The following COL5A2 variants were observed in gnomAD, a reference collection of about 807,000 sequenced individuals.
COL5A2 encodes the protein collagen type V alpha 2 chain.
COL5A2 carries 23 observed loss-of-function variants against 208.2 expected under a neutral mutation model. The ratio of observed to expected loss-of-function variants is 0.11; its 90% confidence interval spans 0.08 to 0.16. The LOEUF is 0.16. Among genes scored for constraint, COL5A2 ranks in the 10% least tolerant of loss-of-function variants. COL5A2 has a pLI of 1.00. For missense variants in COL5A2, 1,590 were observed against 1,956.4 expected (o/e 0.81, Z 3.53); for synonymous variants, 625 against 628.5 (o/e 0.99, Z 0.08).
At chr2:189,115,863 TC>T (rs1687379155) in intron 1 of COL5A2, among the ~76,000 whole-genome samples, 2 of 152,340 alleles carry the variant, frequency 1.3e-5, no homozygotes, top group South Asian at 4.1e-4. Context: ...CTCTCTTTCC[TC>T]CTTCCCTAAT....
At chr2:189,069,455 G>A (rs978214182) in intron 18 of COL5A2, among the ~76,000 whole-genome samples, 5 of 151,876 alleles carry the variant, frequency 3.3e-5, no homozygotes, top group Non-Finnish European at 5.9e-5. Context: ...GTATACATTC[G>A]GACTCTTTAA....
At chr2:189,400,911 T>A in the COL5A2 span, among the ~76,000 whole-genome samples, 1 of 152,214 alleles carries the variant, frequency 6.6e-6, no homozygotes, top group East Asian at 1.9e-4. Flanking sequence ...ATTCACTAAC[T>A]CTCAGAGGAT....
intron 1 of COL5A2, among the ~76,000 whole-genome samples, chr2:189,148,245 C>T (rs899331501): frequency 1.3e-5 from 2 of 151,838 alleles, no homozygotes; most frequent in African/African-American, 4.8e-5. Context: ...TTTTATAGGC[C>T]AACAATTATT....
In COL5A2 at chr2:189,079,979, T is replaced by C; in HGVS notation, c.959A>G (p.Lys320Arg). The C allele has an allele frequency of 6.2e-7, 1 of 1,612,070 alleles. No individual in the cohort carries two copies. Among genetic ancestry groups the C allele is most frequent in the East Asian group, 2.2e-5 (1 of 44,850 alleles). ...PKGEVGAPGS[K>R]GEAGPTGPMG... ...ACAGTGAGATAATTATAAGATTACC[T>C]TGGAACCAGGTGCTCCAACTTCACC... The change falls in exon 14 of 54, where the codon AAG (lysine) becomes AGG (arginine). Residue 320 changes from lysine (K) to arginine (R), a missense_variant and splice_region_variant. Transcript: ENST00000374866.
intron 1 of COL5A2, among the ~76,000 whole-genome samples, chr2:189,157,093 T>G (rs749642518): frequency 6.6e-6 from 1 of 151,630 alleles, no homozygotes; most frequent in Non-Finnish European, 1.5e-5. Flanking sequence ...TTAATGAAAC[T>G]TCCAGCTGTG....
chr2:189,303,245 C>T, the COL5A2 span, among the ~76,000 whole-genome samples: 1 of 152,164 alleles, frequency 6.6e-6, no homozygotes, highest in African/African-American at 2.4e-5. Flanking sequence ...TTCACGCATG[C>T]ATGGAAATCC....
intron 45 of COL5A2, among the ~76,000 whole-genome samples, chr2:189,047,906 T>G (rs553070614): frequency 6.6e-6 from 1 of 152,364 alleles, no homozygotes; most frequent in African/African-American, 2.4e-5. Context: ...TTTCATGCTT[T>G]TGTTAATGAG....
chr2:189,148,530 T>C (rs1037827539), intron 1 of COL5A2, among the ~76,000 whole-genome samples: 2 of 151,910 alleles, frequency 1.3e-5, no homozygotes, highest in African/African-American at 2.4e-5. Context: ...AGGGTGTGAA[T>C]TGAGACTTAA....
chr2:189,205,178 G>A (rs1025808437), intron 1 of COL5A2, among the ~76,000 whole-genome samples: 1 of 152,188 alleles, frequency 6.6e-6, no homozygotes, highest in Non-Finnish European at 1.5e-5. Context: ...TAAAAACACA[G>A]CTTATTCTGT....
chr2:189,077,241 T>A (rs975521087), intron 16 of COL5A2, among the ~76,000 whole-genome samples: 28 of 152,208 alleles, frequency 1.8e-4, no homozygotes, highest in African/African-American at 6.7e-4. Context: ...ACCACACCAA[T>A]AACTAACACT....
intron 1 of COL5A2, among the ~76,000 whole-genome samples, chr2:189,123,875 A>T (rs1045314752): frequency 6.6e-5 from 10 of 152,056 alleles, no homozygotes; most frequent in Admixed American, 1.3e-4. Flanking sequence ...GCCAATATTT[A>T]AAAAAAATAT....
At chr2:189,048,291 C>G in intron 44 of COL5A2, 29 bp from the exon 45 acceptor site, 1 of 1,602,340 alleles carries the variant, frequency 6.2e-7, no homozygotes, top group Non-Finnish European at 8.6e-7. Context: ...TGAAAAACTA[C>G]TTAACTGAGT....
At chr2:189,384,594 AG>A in the COL5A2 span, among the ~76,000 whole-genome samples, 1 of 152,132 alleles carries the variant, frequency 6.6e-6, no homozygotes, top group African/African-American at 2.4e-5. Flanking sequence ...TTTTATAATC[AG>A]GTATTTTTTT....
At chr2:189,232,011 G>A in the COL5A2 span, among the ~76,000 whole-genome samples, 1 of 151,726 alleles carries the variant, frequency 6.6e-6, no homozygotes, top group Admixed American at 6.6e-5. Context: ...ATTTGGGCAT[G>A]GCAGGAAAGT....
At chr2:189,265,420 A>G in the COL5A2 span, among the ~76,000 whole-genome samples, 1 of 152,100 alleles carries the variant, frequency 6.6e-6, no homozygotes, top group Non-Finnish European at 1.5e-5. Flanking sequence ...CTTAACTTGT[A>G]GACACAGCCT....
Position 189,051,455 on chromosome 2 carries a change from T to C in COL5A2, c.2796A>G (p.Leu932=). The C allele has an allele frequency of 1.9e-6, 3 of 1,611,058 alleles. No individual in the cohort carries two copies. The highest frequency in any genetic ancestry group is 2.5e-6 in the Non-Finnish European group (3 of 1,178,530). Residue 932 remains leucine, a synonymous_variant, in exon 42 of 54, where the codon CTA becomes CTG. Transcript: ENST00000374866. The part of the protein sequence containing the change: ...PAGAPGPAGP[L]GEPGKEGPPG... ...GAGGTCCCTCCTTCCCGGGTTCCCC[T>C]AGGGGTCCCGCAGGTCCTGGAGCTC...
rs188209756 is a variant in COL5A2 at position 189,127,057 on chromosome 2, A to T, written c.98-16608T>A. 6.3e-3 allele frequency among the ~76,000 whole-genome samples: 961 copies of T among 152,216 alleles called. 13 individuals carry two copies. Among genetic ancestry groups the T allele is most frequent in the Non-Finnish European group, 7.8e-3 (531 of 67,954 alleles). Reference sequence around the variant, plus strand: ...GAGTGCTTAGGGAGTGTGTACAAGCATTGCTTAGCCATTGTAGGGGGATTG... The same window carrying T: ...GAGTGCTTAGGGAGTGTGTACAAGCTTTGCTTAGCCATTGTAGGGGGATTG... On this transcript the variant is annotated intron_variant, in intron 1 of 53. Coordinates refer to ENST00000374866, the MANE Select transcript of COL5A2 (RefSeq NM_000393.5).
At chr2:189,187,940 G>A (rs1329058335) in intron 1 of COL5A2, among the ~76,000 whole-genome samples, 1 of 145,200 alleles carries the variant, frequency 6.9e-6, no homozygotes, top group Non-Finnish European at 1.5e-5. Flanking sequence ...CTGCACTCCA[G>A]CCTGGGCAAC....
rs138933482 is a variant in COL5A2 at position 189,138,572 on chromosome 2, A to C, written c.98-28123T>G. Reference sequence around the variant, plus strand: ...ACAACTCCCAAGTAGCAATGAACACACCTAGGTCCCAGATTGTGGTTTCTG... The same window carrying C: ...ACAACTCCCAAGTAGCAATGAACACCCCTAGGTCCCAGATTGTGGTTTCTG... On this transcript the variant is annotated intron_variant, in intron 1 of 53. Transcript: ENST00000374866. 5.3e-5 allele frequency among the ~76,000 whole-genome samples: 8 copies of C among 152,252 alleles called. No individual in the cohort carries two copies. The East Asian group carries it at 1.5e-3, about 29-fold the overall frequency.
Sources: gnomAD v4.1 joint callset for allele counts (sites outside exome capture counted in the v4.1 genomes callset) on GRCh38, gnomAD v4.1.1 for gene constraint, MANE v1.5 for transcripts, NCBI Gene and HGNC (gene_info 2026-07-23, HGNC 2026-07-21) for gene names.